Variants in SPAG16 observed in about 807,000 individuals in gnomAD.
SPAG16 encodes sperm-associated antigen 16 protein.
SPAG16 carries 86 observed loss-of-function variants against 80.4 expected under a neutral mutation model. The observed-to-expected ratio is 1.07, with a 90% CI of 0.90 to 1.28. The LOEUF (loss-of-function observed/expected upper bound fraction) is 1.28, where lower values mean the gene tolerates loss of function less well. Among genes scored for constraint, SPAG16 ranks in the 50% most tolerant of loss-of-function variants. The pLI is 0.00. For synonymous variants in SPAG16, 294 were observed against 265.9 expected, an observed-to-expected ratio of 1.11 and a Z score of -1.03; for missense variants, 870 against 765.3, an observed-to-expected ratio of 1.14 and a Z score of -1.61.
chr2:213,466,160 T>C (rs1005152660), intron 9 of SPAG16, among the ~76,000 whole-genome samples: 4 of 152,202 alleles, frequency 2.6e-5, no homozygotes, highest in African/African-American at 7.2e-5. Flanking sequence ...ACTGGCTTCC[T>C]TTCTTCTCAG....
At chr2:214,205,065 C>G (rs2058103834) in intron 15 of SPAG16, among the ~76,000 whole-genome samples, 2 of 152,028 alleles carry the variant, frequency 1.3e-5, no homozygotes, top group Admixed American at 1.3e-4. Flanking sequence ...CCCGTCTCTA[C>G]TAAAAATACA....
At chr2:214,257,355 G>A (rs545833928) in intron 15 of SPAG16, among the ~76,000 whole-genome samples, 2 of 151,936 alleles carry the variant, frequency 1.3e-5, no homozygotes, top group South Asian at 2.1e-4. Flanking sequence ...CTTTCCACTT[G>A]TTGTGACTTT....
At chr2:213,469,567 C>G (rs2072948092) in intron 9 of SPAG16, among the ~76,000 whole-genome samples, 1 of 129,916 alleles carries the variant, frequency 7.7e-6, no homozygotes, top group Admixed American at 8.3e-5. Flanking sequence ...AGCACCTCAG[C>G]AGGTTTTTTT....
intron 10 of SPAG16, among the ~76,000 whole-genome samples, chr2:213,854,212 A>G (rs1478448917): frequency 6.6e-6 from 1 of 152,220 alleles, no homozygotes; most frequent in Non-Finnish European, 1.5e-5. Flanking sequence ...TTAATTGTAA[A>G]TATCTACAGT....
At chr2:213,753,532 A>G (rs2068181541) in intron 10 of SPAG16, among the ~76,000 whole-genome samples, 1 of 152,204 alleles carries the variant, frequency 6.6e-6, no homozygotes, top group Non-Finnish European at 1.5e-5. Flanking sequence ...TAGAATGTAT[A>G]TTCAGATTAA....
chr2:213,336,341 A>G (rs1211584659), intron 5 of SPAG16, among the ~76,000 whole-genome samples: 1 of 152,194 alleles, frequency 6.6e-6, no homozygotes, highest in Non-Finnish European at 1.5e-5. Flanking sequence ...CCCATGAGGC[A>G]GGATATCTGT....
At chr2:213,973,506 A>C (rs2045196021) in intron 12 of SPAG16, among the ~76,000 whole-genome samples, 1 of 152,112 alleles carries the variant, frequency 6.6e-6, no homozygotes, top group African/African-American at 2.4e-5. Flanking sequence ...CTCCTTCCAG[A>C]ACCAGAGGCC....
At chr2:213,993,906 T>C (rs1298613949) in intron 12 of SPAG16, among the ~76,000 whole-genome samples, 2 of 152,236 alleles carry the variant, frequency 1.3e-5, no homozygotes, top group Admixed American at 1.3e-4. Flanking sequence ...GGCCACTTTG[T>C]TGTATTTGTG....
At chr2:213,495,605 A>G (rs1016674693) in intron 10 of SPAG16, among the ~76,000 whole-genome samples, 2 of 152,238 alleles carry the variant, frequency 1.3e-5, no homozygotes, top group Non-Finnish European at 2.9e-5. Flanking sequence ...TAATAAGCCA[A>G]TAGTGAACAC....
intron 12 of SPAG16, among the ~76,000 whole-genome samples, chr2:213,959,102 A>T (rs116437736): frequency 2.6e-5 from 4 of 152,080 alleles, no homozygotes; most frequent in Non-Finnish European, 4.4e-5. Context: ...TGGCTTCCAT[A>T]GTTTTTGATG....
At chr2:213,378,486 A>G (rs1467450203) in intron 9 of SPAG16, among the ~76,000 whole-genome samples, 1 of 152,140 alleles carries the variant, frequency 6.6e-6, no homozygotes, top group Non-Finnish European at 1.5e-5. Context: ...CTCAAATACT[A>G]TTACATAAAG....
intron 5 of SPAG16, among the ~76,000 whole-genome samples, chr2:213,325,920 T>G (rs1441605829): frequency 6.6e-6 from 1 of 152,050 alleles, no homozygotes; most frequent in Admixed American, 6.5e-5. Context: ...TTGTGTGCTA[T>G]TAAACTTTTG....
chr2:213,297,632 A>G (rs986521095), intron 3 of SPAG16, among the ~76,000 whole-genome samples: 1 of 152,182 alleles, frequency 6.6e-6, no homozygotes, highest in Non-Finnish European at 1.5e-5. Context: ...TGGAGGATAA[A>G]CCAATAATTT....
chr2:213,827,345 G>C (rs1252122835), intron 10 of SPAG16, among the ~76,000 whole-genome samples: 1 of 151,826 alleles, frequency 6.6e-6, no homozygotes, highest in African/African-American at 2.4e-5. Flanking sequence ...CTCATTGTAT[G>C]TTTTTAGATT....
chr2:213,443,486 C>CT (rs1352481986), intron 9 of SPAG16, among the ~76,000 whole-genome samples: 2 of 152,178 alleles, frequency 1.3e-5, no homozygotes, highest in African/African-American at 2.4e-5. Flanking sequence ...AATGACTGAT[C>CT]TTTTTTTAGG....
intron 10 of SPAG16, among the ~76,000 whole-genome samples, chr2:213,557,915 T>G (rs916097437): frequency 6.6e-6 from 1 of 152,214 alleles, no homozygotes; most frequent in Non-Finnish European, 1.5e-5. Flanking sequence ...CTAAAGGGAT[T>G]TTTTAAAAAA....
At chr2:214,321,897 A>G (rs2125995136) in intron 15 of SPAG16, among the ~76,000 whole-genome samples, 1 of 152,318 alleles carries the variant, frequency 6.6e-6, no homozygotes, top group South Asian at 2.1e-4. Context: ...TTGTTGAGAA[A>G]GCCTGCTATA....
rs867630283 is a variant in SPAG16 at position 214,126,035 on chromosome 2, C to T, written c.1593+17774C>T. Among the ~76,000 whole-genome samples, 58 of 10,972 alleles carry T rather than the reference C, an allele frequency of 5.3e-3. 9 individuals carry two copies. The highest frequency in any genetic ancestry group is 6.1e-3 in the South Asian group (2 of 330). 7.2% of individuals were successfully genotyped at this position (10,972 alleles called of 152,430 possible). On this transcript the variant is annotated intron_variant, in intron 14 of 15. Coordinates refer to ENST00000331683, the MANE Select transcript of SPAG16 (RefSeq NM_024532.5). ...CCTTCCTTCCTTCCTTCCTTCCTTC[C>T]TTCCTTCCTTCCTTCCTTCCTTCCT...
intron 13 of SPAG16, among the ~76,000 whole-genome samples, chr2:214,026,742 A>C (rs936117520): frequency 6.6e-6 from 1 of 151,546 alleles, no homozygotes; most frequent in African/African-American, 2.4e-5. Context: ...TAAATTTACT[A>C]TACAGTAAAT....
Sources: allele counts gnomAD v4.1 joint callset (sites outside exome capture counted in the v4.1 genomes callset), GRCh38; gene constraint gnomAD v4.1.1; transcripts MANE v1.5; gene names NCBI Gene and HGNC (gene_info 2026-07-23, HGNC 2026-07-21).